Variants in GRAMD1B observed in about 807,000 individuals in gnomAD.
The protein encoded by GRAMD1B is protein Aster-B.
In GRAMD1B, 37 loss-of-function variants were observed where a neutral mutation model predicts 99.7. The observed-to-expected ratio is 0.37, with a 90% CI of 0.29 to 0.49. GRAMD1B has a LOEUF of 0.49. Among genes scored for constraint, GRAMD1B ranks in the 20% least tolerant of loss-of-function variants. The pLI is 0.98. For missense variants in GRAMD1B, 888 were observed against 1,009.2 expected (o/e 0.88, Z 1.63); for synonymous variants, 427 against 387.6 (o/e 1.10, Z -1.19).
intron 2 of GRAMD1B, among the ~76,000 whole-genome samples, chr11:123,525,131 A>G (rs1942578007): frequency 6.6e-6 from 1 of 152,156 alleles, no homozygotes; most frequent in African/African-American, 2.4e-5. Context: ...TGGTCACCTT[A>G]AAAGGATCCC....
chr11:123,412,366 A>C (rs1441121452), intron 1 of GRAMD1B, among the ~76,000 whole-genome samples: 5 of 152,246 alleles, frequency 3.3e-5, no homozygotes, highest in Non-Finnish European at 7.3e-5. Flanking sequence ...ACTGTACTTG[A>C]CACTTTACCT....
intron 1 of GRAMD1B, chr11:123,435,786 T>C: frequency 3.8e-6 from 1 of 261,028 alleles, no homozygotes; most frequent in Non-Finnish European, 7.2e-6. Flanking sequence ...GCTGAGTTTT[T>C]AAAAACAGCT....
chr11:123,405,199 T>C (rs1322169431), intron 1 of GRAMD1B, among the ~76,000 whole-genome samples: 1 of 148,962 alleles, frequency 6.7e-6, no homozygotes, highest in African/African-American at 2.6e-5. Flanking sequence ...TGCATGTGTG[T>C]GTGTGTGTGT....
chr11:123,574,817 A>G (rs1241393408), intron 2 of GRAMD1B, among the ~76,000 whole-genome samples: 1 of 152,156 alleles, frequency 6.6e-6, no homozygotes, highest in Non-Finnish European at 1.5e-5. Flanking sequence ...GGTTGAAGTT[A>G]GAGAAAGCTG....
chr11:123,579,316 C>T (rs1006735855), intron 3 of GRAMD1B, among the ~76,000 whole-genome samples: 3 of 152,210 alleles, frequency 2.0e-5, no homozygotes, highest in African/African-American at 7.2e-5. Context: ...CAAGTCTCTC[C>T]GTGCTTTGGG....
In GRAMD1B at chr11:123,430,551, G is replaced by C. The variant is rs913765335; in HGVS notation, c.-242G>C. 2.2e-5 allele frequency: 10 copies of C among 449,670 alleles called. No individual in the cohort carries two copies. In the Admixed American group the frequency reaches 4.4e-4, roughly 20 times the overall value. 27.9% of individuals were successfully genotyped at this position (449,670 alleles called of 1,614,324 possible). On this transcript the variant is annotated 5_prime_UTR_variant, in exon 1 of 20. Transcript: ENST00000635736. Reference sequence around the variant, plus strand: ...CAGGCGGCTCCCGCCCCTCCCGGGTGGCCTCGCCGGCGGCTGACGGCCCGG... The same window carrying C: ...CAGGCGGCTCCCGCCCCTCCCGGGTCGCCTCGCCGGCGGCTGACGGCCCGG...
chr11:123,422,879 G>T lies in GRAMD1B; in HGVS notation c.-175-57937G>T, dbSNP rs17127356. On this transcript the variant is annotated intron_variant, in intron 1 of 20. Coordinates refer to the GRAMD1B transcript ENST00000638157. ...CTCCCTCGTGTTCACTCTGCATTTG[G>T]TACACATTTCTCCTGAAGTAAATTT... 2.3e-3 allele frequency among the ~76,000 whole-genome samples: 357 copies of T among 152,220 alleles called. 5 individuals carry two copies. The East Asian group carries it at 0.045, about 19-fold the overall frequency.
intron 19 of GRAMD1B, 92 bp downstream of exon 19, chr11:123,619,316 A>T: frequency 6.5e-7 from 1 of 1,530,178 alleles, no homozygotes; most frequent in Non-Finnish European, 8.8e-7. Flanking sequence ...CTCTATCACC[A>T]CCCTCCAGAC....
chr11:123,575,134 A>T (rs527913483), intron 2 of GRAMD1B, among the ~76,000 whole-genome samples: 8 of 152,110 alleles, frequency 5.3e-5, no homozygotes, highest in Non-Finnish European at 1.2e-4. Context: ...TGATCATTTC[A>T]TGTGAGATTC....
chr11:123,560,073 C>G lies in GRAMD1B; in HGVS notation c.453-17294C>G, dbSNP rs534769136. 4.8e-4 allele frequency among the ~76,000 whole-genome samples: 72 copies of G among 150,874 alleles called. 1 individual carries two copies. In the Middle Eastern group the frequency reaches 0.017, roughly 36 times the overall value. ...AGGGTGAAGAGGAAATAACCCCCCC[C>G]CCCGCAGCCCCAGCGGCTCTGTCCT... is the stretch of plus-strand genomic sequence containing the variant. On this transcript the variant is annotated intron_variant, in intron 2 of 19. Transcript: ENST00000635736.
At chr11:123,586,592 C>T (rs1950100590) in intron 4 of GRAMD1B, among the ~76,000 whole-genome samples, 1 of 152,208 alleles carries the variant, frequency 6.6e-6, no homozygotes, top group South Asian at 2.1e-4. Flanking sequence ...GTGCTCATGT[C>T]CGTGCTTTCA....
intron 1 of GRAMD1B, among the ~76,000 whole-genome samples, chr11:123,363,497 G>A: frequency 6.6e-6 from 1 of 152,176 alleles, no homozygotes; most frequent in East Asian, 1.9e-4. Context: ...TTTTGGGCTT[G>A]TTAGTAGGAA....
chr11:123,558,316 T>C (rs1946369936), intron 2 of GRAMD1B, among the ~76,000 whole-genome samples: 1 of 152,066 alleles, frequency 6.6e-6, no homozygotes, highest in African/African-American at 2.4e-5. Context: ...GTGTACCCAG[T>C]ACTCCTACAT....
chr11:123,456,599 AC>A (rs1950131667), intron 1 of GRAMD1B, among the ~76,000 whole-genome samples: 1 of 151,782 alleles, frequency 6.6e-6, no homozygotes, highest in African/African-American at 2.4e-5. Context: ...ATGTCATGAG[AC>A]CTCGTCTCTA....
chr11:123,517,762 A>G (rs985772548), intron 2 of GRAMD1B, among the ~76,000 whole-genome samples: 2 of 152,236 alleles, frequency 1.3e-5, no homozygotes, highest in Non-Finnish European at 2.9e-5. Flanking sequence ...TGGGCAGACG[A>G]CTTTCACTTT....
At chr11:123,597,192 G>A (rs1427847265) in intron 7 of GRAMD1B, among the ~76,000 whole-genome samples, 2 of 145,558 alleles carry the variant, frequency 1.4e-5, no homozygotes, top group Non-Finnish European at 3.0e-5. Context: ...CAAACTCCTA[G>A]GCTCAAAGGA....
intron 2 of GRAMD1B, among the ~76,000 whole-genome samples, chr11:123,486,564 A>AAAAAAAAAAAAAAAAAAG (rs779982778): frequency 3.4e-5 from 5 of 147,628 alleles, no homozygotes; most frequent in South Asian, 2.1e-4. Context: ...GAAAAAAAAA[A>AAAAAAAAAAAAAAAAAAG]AAAAACAAAA....
At chr11:123,466,761 T>C (rs986124176) in intron 1 of GRAMD1B, among the ~76,000 whole-genome samples, 1 of 152,202 alleles carries the variant, frequency 6.6e-6, no homozygotes, top group African/African-American at 2.4e-5. Flanking sequence ...AAACTTCAAG[T>C]TCTGGGAAGC....
Position 123,597,688 on chromosome 11 carries a change from G to A in GRAMD1B, c.969+1651G>A, listed in dbSNP as rs147304557. Among the ~76,000 whole-genome samples the A allele has an allele frequency of 4.3e-3, 657 of 152,298 alleles. 4 individuals carry two copies. The highest frequency in any genetic ancestry group is 0.014 in the South Asian group (68 of 4,832). On this transcript the variant is annotated intron_variant, in intron 7 of 19. Transcript: ENST00000635736. Reference sequence around the variant, plus strand: ...AGGTATGGAGGCATTAAGACCAGACGCACTGAGTTAGTCCATAACCCTGGG... The same window carrying A: ...AGGTATGGAGGCATTAAGACCAGACACACTGAGTTAGTCCATAACCCTGGG...
Sources: gnomAD v4.1 joint callset for allele counts (sites outside exome capture counted in the v4.1 genomes callset) on GRCh38, gnomAD v4.1.1 for gene constraint, MANE v1.5 for transcripts, NCBI Gene and HGNC (gene_info 2026-07-23, HGNC 2026-07-21) for gene names.